SAMD12: variants seen among roughly 807,000 people sequenced by gnomAD.
The protein encoded by SAMD12 is sterile alpha motif domain containing 12.
SAMD12 carries 9 observed loss-of-function variants against 15.0 expected under a neutral mutation model. The ratio of observed to expected loss-of-function variants is 0.60; its 90% confidence interval spans 0.36 to 1.05. The LOEUF is 1.05. Ranked by LOEUF, SAMD12 falls within the 50% of genes least tolerant of loss-of-function variation. The pLI is 0.01. For synonymous variants in SAMD12, 86 were observed against 90.1 expected, an observed-to-expected ratio of 0.96 and a Z score of 0.25; for missense variants, 230 against 234.2, an observed-to-expected ratio of 0.98 and a Z score of 0.12.
chr8:118,140,404 C>T, the SAMD12 span, among the ~76,000 whole-genome samples: 13 of 152,042 alleles, frequency 8.6e-5, no homozygotes, highest in African/African-American at 1.9e-4. Flanking sequence ...CCTGAGCAAC[C>T]GGGACTACAG....
At chr8:118,239,427 A>G (rs895173979) in intron 4 of SAMD12, among the ~76,000 whole-genome samples, 5 of 152,140 alleles carry the variant, frequency 3.3e-5, no homozygotes, top group African/African-American at 1.2e-4. Context: ...AATAATAACA[A>G]AACTACCAAG....
At chr8:118,534,288 T>G (rs1283771727) in intron 2 of SAMD12, among the ~76,000 whole-genome samples, 1 of 152,182 alleles carries the variant, frequency 6.6e-6, no homozygotes, top group Non-Finnish European at 1.5e-5. Flanking sequence ...TCTTCTGGCT[T>G]GTAGAGTTTC....
At chr8:118,510,719 C>A (rs1277903706) in intron 2 of SAMD12, among the ~76,000 whole-genome samples, 1 of 152,150 alleles carries the variant, frequency 6.6e-6, no homozygotes, top group Admixed American at 6.5e-5. Context: ...CTACTAGGAA[C>A]CCAATGCCCA....
chr8:118,304,133 CT>C (rs1198058210), intron 4 of SAMD12, among the ~76,000 whole-genome samples: 1 of 152,150 alleles, frequency 6.6e-6, no homozygotes, highest in African/African-American at 2.4e-5. Context: ...TATTCCAAGT[CT>C]TCAGGTGCTC....
rs182332626 is a variant in SAMD12, at chr8:118,230,279, T to C, written c.434-32547A>G. Among the ~76,000 whole-genome samples, 168 of 152,308 alleles carry C rather than the reference T, an allele frequency of 1.1e-3. 1 individual carries two copies. The highest frequency in any genetic ancestry group is 3.8e-3 in the African/African-American group (160 of 41,566). On this transcript the variant is annotated intron_variant, in intron 4 of 4. Transcript: ENST00000409003. ...TTTTAGATATGAGGATTAAACAGGC[T>C]AAATGGCTTGCCCAAGGTGTAGAGC...
chr8:118,282,462 T>A, intron 4 of SAMD12: 2 of 399,138 alleles, frequency 5.0e-6, no homozygotes, highest in South Asian at 3.6e-5. Flanking sequence ...TACCTTCTGG[T>A]CTCCTGTAAT....
intron 3 of SAMD12, among the ~76,000 whole-genome samples, chr8:118,383,238 A>G (rs1246280336): frequency 6.6e-6 from 1 of 152,232 alleles, no homozygotes; most frequent in East Asian, 1.9e-4. Context: ...TGATGAACAC[A>G]GCAGACAGGG....
At chr8:118,271,477 A>G (rs1813354308) in intron 4 of SAMD12, among the ~76,000 whole-genome samples, 1 of 152,166 alleles carries the variant, frequency 6.6e-6, no homozygotes, top group Admixed American at 6.5e-5. Flanking sequence ...CCCAAATCTC[A>G]TGTCCTCACA....
At chr8:118,191,846 AGAGAGT>A (rs1166235586) in exon 5 of SAMD12, 37 of 127,318 alleles carry the variant, frequency 2.9e-4, no homozygotes, top group African/African-American at 7.6e-4. Context: ...AGAGAGAGAG[AGAGAGT>A]GAGAAAAGTA....
chr8:118,430,663 T>C (rs755422512), intron 3 of SAMD12, among the ~76,000 whole-genome samples: 21 of 152,178 alleles, frequency 1.4e-4, no homozygotes, highest in Non-Finnish European at 2.8e-4. Context: ...CTCAGACTAA[T>C]TGCCGTCTTT....
intron 3 of SAMD12, among the ~76,000 whole-genome samples, chr8:118,422,761 C>A (rs551543014): frequency 7.2e-5 from 11 of 152,044 alleles, no homozygotes; most frequent in Non-Finnish European, 1.5e-4. Flanking sequence ...AAATTTAGAC[C>A]AGAAAAGTGG....
intron 2 of SAMD12, among the ~76,000 whole-genome samples, chr8:118,532,945 C>A (rs1473187552): frequency 2.0e-5 from 3 of 151,976 alleles, no homozygotes; most frequent in African/African-American, 7.3e-5. Flanking sequence ...TCCTTCAGTT[C>A]TGCTCTGATT....
At chr8:118,490,424 A>G (rs1185953512) in intron 2 of SAMD12, among the ~76,000 whole-genome samples, 3 of 152,200 alleles carry the variant, frequency 2.0e-5, no homozygotes, top group Non-Finnish European at 4.4e-5. Context: ...CCCTAAGGAC[A>G]AAGAAAAGAG....
the SAMD12 span, among the ~76,000 whole-genome samples, chr8:118,175,328 A>G: frequency 6.6e-6 from 1 of 152,218 alleles, no homozygotes; most frequent in African/African-American, 2.4e-5. Flanking sequence ...TAGTTTTACC[A>G]TATATGAAAA....
At chr8:118,404,180 C>T (rs1821011630) in intron 3 of SAMD12, among the ~76,000 whole-genome samples, 1 of 152,138 alleles carries the variant, frequency 6.6e-6, no homozygotes, top group African/African-American at 2.4e-5. Context: ...GATGCAGTCT[C>T]ACTACATTGC....
At chr8:118,230,446 A>G (rs1287786189) in intron 4 of SAMD12, among the ~76,000 whole-genome samples, 1 of 152,152 alleles carries the variant, frequency 6.6e-6, no homozygotes, top group East Asian at 1.9e-4. Context: ...CAGAGGACAT[A>G]TGAAATCAGA....
intron 4 of SAMD12, among the ~76,000 whole-genome samples, chr8:118,277,236 C>T (rs1813496147): frequency 2.0e-5 from 3 of 152,224 alleles, no homozygotes; most frequent in Admixed American, 2.0e-4. Flanking sequence ...CTCTCTCCCA[C>T]ATGGTGCATA....
the SAMD12 span, among the ~76,000 whole-genome samples, chr8:118,143,161 C>T: frequency 1.3e-5 from 2 of 152,156 alleles, no homozygotes; most frequent in East Asian, 1.9e-4. Context: ...CTTTTGATTA[C>T]CTGTACATCT....
intron 4 of SAMD12, among the ~76,000 whole-genome samples, chr8:118,225,138 A>AT (rs1812160645): frequency 6.6e-6 from 1 of 152,162 alleles, no homozygotes; most frequent in South Asian, 2.1e-4. Context: ...GGGATAAGAC[A>AT]TTTTTTATTA....
Sources: gnomAD v4.1 joint callset for allele counts (sites outside exome capture counted in the v4.1 genomes callset) on GRCh38, gnomAD v4.1.1 for gene constraint, MANE v1.5 for transcripts, NCBI Gene and HGNC (gene_info 2026-07-23, HGNC 2026-07-21) for gene names.